The following NR6A1 variants were observed in gnomAD, a reference collection of about 807,000 sequenced individuals.
NR6A1 encodes the protein retinoic acid receptor-related testis-associated receptor.
Under a neutral mutation model 59.1 loss-of-function variants are expected in NR6A1, and 7 were observed. The observed-to-expected ratio is 0.12, with a 90% CI of 0.07 to 0.22. The LOEUF (loss-of-function observed/expected upper bound fraction) is 0.22. Among genes scored for constraint, NR6A1 ranks in the 10% least tolerant of loss-of-function variants. NR6A1 has a pLI of 1.00. For synonymous variants in NR6A1, 243 were observed against 236.1 expected (o/e 1.03, Z -0.27); for missense variants, 468 against 611.6 (o/e 0.77, Z 2.48).
chr9:124,750,682 C>T (rs1840474756), intron 1 of NR6A1, among the ~76,000 whole-genome samples: 1 of 152,014 alleles, frequency 6.6e-6, no homozygotes, highest in African/African-American at 2.4e-5. Context: ...ATGGCGTGAA[C>T]CCAGGAGGCG....
chr9:124,716,355 T>C (rs1412343794), intron 2 of NR6A1, among the ~76,000 whole-genome samples: 1 of 152,152 alleles, frequency 6.6e-6, no homozygotes, highest in East Asian at 1.9e-4. Context: ...AAAGCTAAAA[T>C]AATACTGTTT....
At chr9:124,572,752 G>A (rs1423024903) in intron 2 of NR6A1, among the ~76,000 whole-genome samples, 1 of 152,190 alleles carries the variant, frequency 6.6e-6, no homozygotes, top group Non-Finnish European at 1.5e-5. Context: ...GTAAGGGCAA[G>A]CTATAGACAA....
At position 124,599,106 on chromosome 9, in the gene NR6A1, G is replaced by A. The variant is rs929130806; in HGVS notation, c.143-44536C>T. On this transcript the variant is annotated intron_variant, in intron 2 of 9. Transcript: ENST00000487099. ...GTGCCTCGCTCGTTCCATTCTAGGAGACGGTTCTCTGCGGCAAATCACAGT... is the reference window on the plus strand; with the variant it reads ...GTGCCTCGCTCGTTCCATTCTAGGAAACGGTTCTCTGCGGCAAATCACAGT... The A allele has an allele frequency of 2.4e-5, 17 of 696,268 alleles. No homozygotes were observed. The African/African-American group carries it at 2.5e-4, about 10-fold the overall frequency. The allele number at this position is 696,268 out of a possible 1,614,324, so 43.1% of individuals were successfully genotyped here. A position where few individuals can be genotyped will look rare whatever the true frequency, so the allele number is the denominator to read the frequency against.
At chr9:124,653,643 A>G (rs1273551685) in intron 2 of NR6A1, among the ~76,000 whole-genome samples, 1 of 152,230 alleles carries the variant, frequency 6.6e-6, no homozygotes, top group Admixed American at 6.5e-5. Context: ...CCTGGCCTCA[A>G]GCAATCCTTC....
intron 2 of NR6A1, among the ~76,000 whole-genome samples, chr9:124,573,743 A>G (rs1028392121): frequency 4.6e-5 from 7 of 152,244 alleles, no homozygotes; most frequent in African/African-American, 1.7e-4. Context: ...GTAAACTAAC[A>G]TACATATACA....
In NR6A1 at chr9:124,569,351, T is replaced by C. The variant is rs59079448; in HGVS notation, c.143-14781A>G. Among the ~76,000 whole-genome samples the C allele has an allele frequency of 0.01, 1,534 of 152,328 alleles. 64 individuals are homozygous for C. The East Asian group carries it at 0.15, about 15-fold the overall frequency. ...CTCTCATACCTTCACTCAGCCTTGC[T>C]GTTACAAAAATACCTCCTCCACCCC... On this transcript the variant is annotated intron_variant, in intron 2 of 9. Transcript: ENST00000487099.
intron 2 of NR6A1, among the ~76,000 whole-genome samples, chr9:124,648,269 A>T (rs974401976): frequency 1.3e-5 from 2 of 152,046 alleles, no homozygotes; most frequent in African/African-American, 4.8e-5. Flanking sequence ...TGGCCAACAC[A>T]GGAGGACTGC....
intron 2 of NR6A1, among the ~76,000 whole-genome samples, chr9:124,680,156 T>C (rs776288727): frequency 6.6e-6 from 1 of 151,772 alleles, no homozygotes. Context: ...ATGTGTGACA[T>C]TGAAAGAATG....
intron 1 of NR6A1, among the ~76,000 whole-genome samples, chr9:124,764,779 G>A (rs1341429855): frequency 6.6e-6 from 1 of 152,094 alleles, no homozygotes; most frequent in East Asian, 1.9e-4. Context: ...TCTCACTTGG[G>A]CAGTGAGTGC....
intron 2 of NR6A1, among the ~76,000 whole-genome samples, chr9:124,729,554 A>G (rs1839824248): frequency 1.3e-5 from 2 of 152,324 alleles, no homozygotes; most frequent in South Asian, 4.1e-4. Context: ...ACTGCACTAC[A>G]GCTTGGACAA....
intron 3 of NR6A1, among the ~76,000 whole-genome samples, chr9:124,546,617 GT>G (rs1391857249): frequency 6.6e-6 from 1 of 152,156 alleles, no homozygotes; most frequent in Non-Finnish European, 1.5e-5. Flanking sequence ...TTTTAATGAG[GT>G]GGTAAAGAAT....
At chr9:124,532,632 C>T (rs957093627) in intron 7 of NR6A1, among the ~76,000 whole-genome samples, 8 of 152,176 alleles carry the variant, frequency 5.3e-5, no homozygotes, top group East Asian at 3.8e-4. Context: ...ATTTTTGCAT[C>T]GATGGATTCC....
rs552730638 is a variant in NR6A1 at position 124,562,704 on chromosome 9, CAGTT to C, written c.143-8138_143-8135del. Among the ~76,000 whole-genome samples the C allele has an allele frequency of 2.6e-3, 403 of 152,174 alleles. 3 individuals are homozygous for C. The highest frequency in any genetic ancestry group is 8.6e-3 in the African/African-American group (355 of 41,496). ...GATAAATAAGAGCAGATTCAGAGCT[CAGTT>C]AGGGTCTCTGTGGACACATATTTTC... On this transcript the variant is annotated intron_variant, in intron 2 of 9. Transcript: ENST00000487099.
At chr9:124,727,144 A>G (rs1212510803) in intron 2 of NR6A1, among the ~76,000 whole-genome samples, 1 of 152,224 alleles carries the variant, frequency 6.6e-6, no homozygotes, top group Non-Finnish European at 1.5e-5. Flanking sequence ...TTCGTCTAAA[A>G]TGAAAGCTCT....
At chr9:124,566,846 C>G (rs1588672094) in intron 2 of NR6A1, among the ~76,000 whole-genome samples, 1 of 152,142 alleles carries the variant, frequency 6.6e-6, no homozygotes, top group Non-Finnish European at 1.5e-5. Flanking sequence ...CGGTGGCTCA[C>G]GCCTGTAATC....
intron 2 of NR6A1, among the ~76,000 whole-genome samples, chr9:124,707,735 G>A (rs757377036): frequency 1.3e-5 from 2 of 152,132 alleles, no homozygotes; most frequent in Non-Finnish European, 2.9e-5. Context: ...GCAATGTGTA[G>A]TTCCTGATGG....
At chr9:124,659,278 G>C (rs938760625) in intron 2 of NR6A1, among the ~76,000 whole-genome samples, 3 of 152,068 alleles carry the variant, frequency 2.0e-5, no homozygotes, top group Non-Finnish European at 4.4e-5. Flanking sequence ...CAGCTGCAGG[G>C]GCGGGAGCGG....
At chr9:124,704,635 T>C (rs1275869497) in intron 2 of NR6A1, among the ~76,000 whole-genome samples, 1 of 152,224 alleles carries the variant, frequency 6.6e-6, no homozygotes, top group African/African-American at 2.4e-5. Flanking sequence ...GCCTCTCCTT[T>C]TCAAATATCC....
At chr9:124,718,698 C>T (rs142503235) in intron 2 of NR6A1, among the ~76,000 whole-genome samples, 2 of 151,738 alleles carry the variant, frequency 1.3e-5, no homozygotes, top group East Asian at 3.9e-4. Flanking sequence ...AAAATTGGAT[C>T]ACCTTCCAGA....
Sources: gnomAD v4.1 joint callset for allele counts (sites outside exome capture counted in the v4.1 genomes callset) on GRCh38, gnomAD v4.1.1 for gene constraint, MANE v1.5 for transcripts, NCBI Gene and HGNC (gene_info 2026-07-23, HGNC 2026-07-21) for gene names.